Variants in CNTLN observed in about 807,000 individuals in gnomAD.
CNTLN encodes the protein centlein, centrosomal protein.
A neutral mutation model predicts 180.0 loss-of-function variants in CNTLN; 212 were observed. The observed-to-expected ratio is 1.18, with a 90% CI of 1.05 to 1.32. The LOEUF (loss-of-function observed/expected upper bound fraction) is 1.32, where lower values mean the gene tolerates loss of function less well. Among genes scored for constraint, CNTLN ranks in the 40% most tolerant of loss-of-function variants. The probability of loss-of-function intolerance (pLI) is 0.00; values close to 1 mark genes in which losing one functional copy is unlikely to be tolerated. For missense variants in CNTLN, 2,095 were observed against 1,610.9 expected (o/e 1.30, Z -5.14); for synonymous variants, 722 against 563.1 (o/e 1.28, Z -3.99).
chr9:17,405,027 C>T lies in CNTLN; in HGVS notation c.2616-4266C>T, dbSNP rs374625394. 3.7e-4 allele frequency among the ~76,000 whole-genome samples: 56 copies of T among 151,766 alleles called. No homozygotes were observed. In the East Asian group the frequency reaches 6.8e-3, roughly 18 times the overall value. On this transcript the variant is annotated intron_variant, in intron 15 of 25. Transcript: ENST00000380647. ...TGCTGGGATTACAGATGTGAGCCAC[C>T]GCGCCCAGCCTAAAACAATTATTTT...
chr9:17,457,269 C>T (rs1169628515), intron 18 of CNTLN, among the ~76,000 whole-genome samples: 2 of 152,004 alleles, frequency 1.3e-5, no homozygotes, highest in Non-Finnish European at 2.9e-5. Flanking sequence ...AGAAATAGTG[C>T]ATCATGAGTC....
intron 13 of CNTLN, among the ~76,000 whole-genome samples, chr9:17,381,280 T>G (rs1825232231): frequency 6.6e-6 from 1 of 152,228 alleles, no homozygotes; most frequent in Non-Finnish European, 1.5e-5. Flanking sequence ...TTTCCAACTC[T>G]AGAAGTACTG....
chr9:17,502,076 G>C (rs2248131), intron 25 of CNTLN, among the ~76,000 whole-genome samples: 141,654 of 152,290 alleles, frequency 0.93, 66,378 homozygotes, highest in South Asian at 0.99. Flanking sequence ...ATACTTTTGC[G>C]ATTTTTTCCT....
At chr9:17,520,613 GT>G in the CNTLN span, among the ~76,000 whole-genome samples, 2 of 152,216 alleles carry the variant, frequency 1.3e-5, no homozygotes, top group Non-Finnish European at 2.9e-5. Flanking sequence ...ATCCAGCATA[GT>G]TAATTACACA....
At chr9:17,411,488 G>A (rs191805212) in intron 16 of CNTLN, among the ~76,000 whole-genome samples, 2 of 152,288 alleles carry the variant, frequency 1.3e-5, no homozygotes, top group Admixed American at 1.3e-4. Flanking sequence ...AGGACCAAGT[G>A]TGGAGCTAGT....
chr9:17,220,888 A>G (rs984857800), intron 2 of CNTLN, among the ~76,000 whole-genome samples: 3 of 152,064 alleles, frequency 2.0e-5, no homozygotes, highest in Non-Finnish European at 4.4e-5. Flanking sequence ...GCTATTGTAA[A>G]CAGTGCTGCA....
At chr9:17,293,321 G>T (rs975588614) in intron 6 of CNTLN, among the ~76,000 whole-genome samples, 2 of 152,246 alleles carry the variant, frequency 1.3e-5, no homozygotes, top group African/African-American at 4.8e-5. Flanking sequence ...GCTGTGCTGT[G>T]GCGAATCTCA....
In CNTLN at chr9:17,188,168, C is replaced by A. The variant is rs138516066; in HGVS notation, c.450-38035C>A. ...TGTAATGTCAGTTTTAAATAAAGAA[C>A]TTGCTAGATTTTTAAGAAGAATTCT... is the stretch of plus-strand genomic sequence containing the variant. On this transcript the variant is annotated intron_variant, in intron 2 of 25. Transcript: ENST00000380647. 2.6e-5 allele frequency among the ~76,000 whole-genome samples: 4 copies of A among 151,822 alleles called. No individual in the cohort carries two copies. In the East Asian group the frequency reaches 5.8e-4, roughly 22 times the overall value.
chr9:17,336,691 G>C (rs972854185), intron 10 of CNTLN, among the ~76,000 whole-genome samples: 3 of 152,096 alleles, frequency 2.0e-5, no homozygotes, highest in Non-Finnish European at 2.9e-5. Flanking sequence ...AAAGCAGAAG[G>C]CTCATCTATA....
chr9:17,357,565 A>T (rs867383706), intron 12 of CNTLN, among the ~76,000 whole-genome samples: 16 of 144,240 alleles, frequency 1.1e-4, no homozygotes, highest in South Asian at 2.1e-4. Flanking sequence ...TACCATGTAT[A>T]TATATAAATA....
At chr9:17,253,105 C>T (rs1438389629) in intron 5 of CNTLN, among the ~76,000 whole-genome samples, 1 of 151,568 alleles carries the variant, frequency 6.6e-6, no homozygotes, top group Non-Finnish European at 1.5e-5. Flanking sequence ...CTTCTGGGTT[C>T]TATATTTTGT....
At chr9:17,457,480 C>G in intron 18 of CNTLN, 44 bp from the exon 19 acceptor site, 1 of 1,069,394 alleles carries the variant, frequency 9.4e-7, no homozygotes, top group Non-Finnish European at 1.2e-6. Flanking sequence ...AATATAGTTA[C>G]TTTTAAAATA....
At chr9:17,247,558 T>G (rs1749307167) in intron 5 of CNTLN, among the ~76,000 whole-genome samples, 3 of 152,194 alleles carry the variant, frequency 2.0e-5, no homozygotes, top group Admixed American at 1.3e-4. Flanking sequence ...CCTTCTTCAG[T>G]GCCTCTTTCT....
chr9:17,344,883 C>T lies in CNTLN; in HGVS notation c.1886+2439C>T, dbSNP rs74981994. Among the ~76,000 whole-genome samples the T allele has an allele frequency of 1.5e-3, 231 of 152,242 alleles. 1 individual carries two copies. The highest frequency in any genetic ancestry group is 5.4e-3 in the African/African-American group (223 of 41,544). ...TCTCAAAAAATTTCCTCATCCTGCC[C>T]CTTTGTAGTCAAATCTTCCTACCGC... On this transcript the variant is annotated intron_variant, in intron 12 of 25. Coordinates refer to ENST00000380647, the MANE Select transcript of CNTLN (RefSeq NM_017738.4).
intron 7 of CNTLN, chr9:17,301,285 A>C (rs1423090849): frequency 9.1e-6 from 9 of 985,330 alleles, no homozygotes; most frequent in Non-Finnish European, 1.1e-5. Context: ...TCTGGGGTAC[A>C]TTTTGAAACC....
intron 2 of CNTLN, among the ~76,000 whole-genome samples, chr9:17,180,016 T>G (rs898405972): frequency 3.3e-5 from 5 of 152,100 alleles, no homozygotes; most frequent in Admixed American, 6.5e-5. Context: ...TGATTACATA[T>G]CTTTTTTCCT....
In CNTLN at chr9:17,172,601, A is replaced by G. The variant is rs1019478531; in HGVS notation, c.449+29225A>G. Among the ~76,000 whole-genome samples, 4 of 152,164 alleles carry G rather than the reference A, an allele frequency of 2.6e-5. No homozygotes were observed. The South Asian group carries it at 8.3e-4, about 32-fold the overall frequency. ...TCTTGCTGTATACTGCCTTTAAATA[A>G]TATATTTTTCATAATTGTAAAAAGT... On this transcript the variant is annotated intron_variant, in intron 2 of 25. Coordinates refer to ENST00000380647, the MANE Select transcript of CNTLN (RefSeq NM_017738.4).
chr9:17,149,934 T>A (rs1211830528), intron 2 of CNTLN, among the ~76,000 whole-genome samples: 3 of 152,234 alleles, frequency 2.0e-5, no homozygotes, highest in East Asian at 3.8e-4. Flanking sequence ...ATATGTCTGT[T>A]GGCTGCATAA....
intron 18 of CNTLN, among the ~76,000 whole-genome samples, chr9:17,425,730 T>C (rs1179481250): frequency 1.3e-5 from 2 of 152,084 alleles, no homozygotes; most frequent in Non-Finnish European, 2.9e-5. Flanking sequence ...ATCCTTATGA[T>C]AAAATATTTT....
Sources: gnomAD v4.1 joint callset for allele counts (sites outside exome capture counted in the v4.1 genomes callset) on GRCh38, gnomAD v4.1.1 for gene constraint, MANE v1.5 for transcripts, NCBI Gene and HGNC (gene_info 2026-07-23, HGNC 2026-07-21) for gene names.